The following LCP1 variants were observed in gnomAD, a reference collection of about 807,000 sequenced individuals.
The protein encoded by LCP1 is plastin-2.
A neutral mutation model predicts 72.0 loss-of-function variants in LCP1; 23 were observed. The ratio of observed to expected loss-of-function variants is 0.32; its 90% CI spans 0.23 to 0.45. LCP1 has a LOEUF of 0.45. Among genes scored for constraint, LCP1 ranks in the 20% least tolerant of loss-of-function variants. LCP1 has a pLI of 1.00. For synonymous variants in LCP1, 245 were observed against 275.4 expected, an observed-to-expected ratio of 0.89 and a Z score of 1.09; for missense variants, 571 against 748.3, an observed-to-expected ratio of 0.76 and a Z score of 2.76.
At chr13:46,167,072 C>T (rs142979461) in intron 1 of LCP1, among the ~76,000 whole-genome samples, 380 of 152,274 alleles carry the variant, frequency 2.5e-3, no homozygotes, top group South Asian at 0.022. Flanking sequence ...CCTGCAGATA[C>T]ATGGATTCTC....
intron 1 of LCP1, 57 bp from the exon 2 acceptor site, chr13:46,159,743 C>T: frequency 1.0e-6 from 1 of 995,074 alleles, no homozygotes; most frequent in South Asian, 1.4e-5. Context: ...CTTAAAATAC[C>T]ACATTAAGAA....
At chr13:46,136,110 C>T (rs2045663618) in intron 13 of LCP1, among the ~76,000 whole-genome samples, 1 of 142,382 alleles carries the variant, frequency 7.0e-6, no homozygotes, top group Non-Finnish European at 1.6e-5. Context: ...CACACACACA[C>T]ACAAAGACCT....
At chr13:46,148,897 G>T in intron 8 of LCP1, 1 of 368,542 alleles carries the variant, frequency 2.7e-6, no homozygotes, top group Non-Finnish European at 3.8e-6. Flanking sequence ...ATCAGCAAGA[G>T]AAAAAGATGT....
In LCP1 at chr13:46,139,132, T is replaced by G. The variant is rs144095734; in HGVS notation, c.1502+3160A>C. Reference sequence around the variant, plus strand: ...TAATAAAGATAGCTTGGAAATATCATCTGGAAATACACTGGTGAGAACAGC... The same window carrying G: ...TAATAAAGATAGCTTGGAAATATCAGCTGGAAATACACTGGTGAGAACAGC... On this transcript the variant is annotated intron_variant, in intron 13 of 15. Coordinates refer to ENST00000323076, the MANE Select transcript of LCP1 (RefSeq NM_002298.5). Among the ~76,000 whole-genome samples, 440 of 152,332 alleles carry G rather than the reference T, an allele frequency of 2.9e-3. 4 individuals carry two copies. The highest frequency in any genetic ancestry group is 9.9e-3 in the African/African-American group (413 of 41,570).
intron 4 of LCP1, 66 bp from the exon 5 acceptor site, chr13:46,156,636 T>G: frequency 1.9e-6 from 3 of 1,546,314 alleles, no homozygotes; most frequent in Non-Finnish European, 2.7e-6. Context: ...AAATTATGCA[T>G]GTGGATCTTA....
At chr13:46,134,061 A>C (rs2045649407) in intron 14 of LCP1, 66 bp downstream of exon 14, 2 of 1,564,446 alleles carry the variant, frequency 1.3e-6, no homozygotes, top group East Asian at 2.2e-5. Context: ...ACTTGAACAC[A>C]TAATGAAAAC....
intron 11 of LCP1, among the ~76,000 whole-genome samples, chr13:46,144,022 C>T (rs866502176): frequency 1.1e-4 from 17 of 151,758 alleles, no homozygotes; most frequent in South Asian, 4.2e-4. Context: ...GCCGAGATTG[C>T]GCCACCGCAC....
At chr13:46,171,037 AT>A (rs1265898642) in intron 1 of LCP1, among the ~76,000 whole-genome samples, 1 of 152,222 alleles carries the variant, frequency 6.6e-6, no homozygotes, top group Admixed American at 6.5e-5. Flanking sequence ...AAGCCTATCT[AT>A]TTGGAGTCAG....
rs2045776912 is a variant in LCP1, at chr13:46,152,803, T to C, written c.716A>G (p.Asp239Gly). The change falls in exon 7 of 16, where the codon GAC becomes GGC. Residue 239 changes from aspartate to glycine, a missense_variant. Coordinates refer to ENST00000323076, the MANE Select transcript of LCP1 (RefSeq NM_002298.5). ...WQVIKIGLFA[D>G]IELSRNEALI... ...ACCTTCATTTCTGCTGAGTTCAATG[T>C]CAGCAAACAACCCAATCTTGATGAC... The C allele has an allele frequency of 6.2e-7, 1 of 1,613,854 alleles. No individual in the cohort carries two copies. Among genetic ancestry groups the C allele is most frequent in the Non-Finnish European group, 8.5e-7 (1 of 1,180,008 alleles).
Position 46,163,632 on chromosome 13 carries a change from T to TAAA in LCP1, c.-24-3947_-24-3946insTTT, listed in dbSNP as rs1566444167. On this transcript the variant is annotated intron_variant, in intron 1 of 15. Transcript: ENST00000323076. ...GCGAGAAACACCCAAGAATGATCAATTAAAAAAAAAAAAAAAAAAACAATG... is the reference window on the plus strand; with the variant it reads ...GCGAGAAACACCCAAGAATGATCAATAAATAAAAAAAAAAAAAAAAAAACAATG... Among the ~76,000 whole-genome samples, 895 of 111,278 alleles carry TAAA rather than the reference T, an allele frequency of 8.0e-3. 20 individuals carry two copies. The highest frequency in any genetic ancestry group is 0.04 in the African/African-American group (815 of 20,564). The allele number at this position is 111,278 out of a possible 152,430, so 73.0% of individuals were successfully genotyped here. A position where few individuals can be genotyped will look rare whatever the true frequency, so the allele number is the denominator to read the frequency against.
At chr13:46,180,923 T>G (rs1259658834) in intron 1 of LCP1, among the ~76,000 whole-genome samples, 1 of 152,190 alleles carries the variant, frequency 6.6e-6, no homozygotes, top group African/African-American at 2.4e-5. Context: ...ACTATTCAGG[T>G]GAGATGTGCA....
chr13:46,150,944 C>A lies in LCP1; in HGVS notation c.874G>T (p.Asp292Tyr). The A allele has an allele frequency of 6.2e-7, 1 of 1,613,614 alleles. No individual in the cohort carries two copies. The highest frequency in any genetic ancestry group is 1.1e-5 in the South Asian group (1 of 91,024). The change falls in exon 8 of 16, where the codon GAC (aspartate) becomes TAC (tyrosine). Residue 292 changes from aspartate to tyrosine, a missense_variant. Asp to Tyr is a radical substitution (Grantham distance 160). Coordinates refer to ENST00000323076, the MANE Select transcript of LCP1 (RefSeq NM_002298.5). ...GCNKIGNFST[D>Y]IKDSKAYYHL... Reference sequence around the variant, plus strand: ...AACAACGCTCCTCCTACCTTGATGTCAGTACTGAAGTTGCCAATTTTGTTG... The same window carrying A: ...AACAACGCTCCTCCTACCTTGATGTAAGTACTGAAGTTGCCAATTTTGTTG...
In LCP1 at chr13:46,154,862, T is replaced by A. The variant is rs1461558262; in HGVS notation, c.516A>T (p.Pro172=). The A allele has an allele frequency of 1.2e-6, 2 of 1,614,018 alleles. No individual in the cohort carries two copies. Among genetic ancestry groups the A allele is most frequent in the Non-Finnish European group, 1.7e-6 (2 of 1,179,858 alleles). ...TGATTGTTCTTTCATCAATTGTGTC[T>A]GGCACTGACAGGTTGATCATTTTAC... ...VLCKMINLSV[P]DTIDERTINK... Residue 172 remains proline, a synonymous_variant, in exon 6 of 16, where the codon CCA becomes CCT. Coordinates refer to ENST00000323076, the MANE Select transcript of LCP1 (RefSeq NM_002298.5).
rs757954246 is a variant in LCP1, at chr13:46,152,808, A to C, written c.711T>G (p.Phe237Leu). ...CATTTCTGCTGAGTTCAATGTCAGCAAACAACCCAATCTTGATGACTTGCC... is the reference window on the plus strand; with the variant it reads ...CATTTCTGCTGAGTTCAATGTCAGCCAACAACCCAATCTTGATGACTTGCC... Reference protein sequence around the residue: ...LLWQVIKIGLFADIELSRNEA... With the variant: ...LLWQVIKIGLLADIELSRNEA... The change falls in exon 7 of 16, where the codon TTT becomes TTG. Residue 237 changes from phenylalanine (F) to leucine (L), a missense_variant. Coordinates refer to ENST00000323076, the MANE Select transcript of LCP1 (RefSeq NM_002298.5). The C allele has an allele frequency of 3.0e-5, 48 of 1,613,920 alleles. No individual in the cohort carries two copies. In the East Asian group the frequency reaches 1.0e-3, roughly 34 times the overall value.
At chr13:46,133,592 C>T (rs2045646119) in intron 14 of LCP1, among the ~76,000 whole-genome samples, 1 of 151,820 alleles carries the variant, frequency 6.6e-6, no homozygotes, top group Non-Finnish European at 1.5e-5. Flanking sequence ...TGCCACTGTA[C>T]CCCAGCCTGG....
At chr13:46,130,140 A>G (rs1217225926) in intron 15 of LCP1, among the ~76,000 whole-genome samples, 2 of 152,220 alleles carry the variant, frequency 1.3e-5, no homozygotes, top group African/African-American at 4.8e-5. Flanking sequence ...TGGCAGCCCA[A>G]GGAAACTAAC....
At position 46,130,845 on chromosome 13, in the gene LCP1, G is replaced by A. The variant is rs762526079; in HGVS notation, c.1720C>T (p.Leu574=). The part of the protein sequence containing the change: ...INYDLLKTEN[L]NDDEKLNNAK... ...TTGTTGAGTTTCTCATCATCATTCA[G>A]ATTTTCTGTCTTCAGAAGGTCATAG... Residue 574 remains leucine, a synonymous_variant, in exon 15 of 16, where the codon CTG becomes TTG. Coordinates refer to ENST00000323076, the MANE Select transcript of LCP1 (RefSeq NM_002298.5). 55 of 1,613,206 alleles carry A rather than the reference G, an allele frequency of 3.4e-5. No homozygotes were observed. Among genetic ancestry groups the A allele is most frequent in the Admixed American group, 2.3e-4 (14 of 59,858 alleles).
intron 9 of LCP1, 128 bp downstream of exon 9, chr13:46,148,205 AACTGCTCACAGTTTTACCG>A: frequency 1.6e-6 from 1 of 618,506 alleles, no homozygotes; most frequent in East Asian, 2.6e-5. Context: ...TATTATCCCA[AACTGCTCACAGTTTTACCG>A]TTTTAACAGG....
At chr13:46,134,854 G>A (rs1483458391) in intron 13 of LCP1, among the ~76,000 whole-genome samples, 1 of 151,904 alleles carries the variant, frequency 6.6e-6, no homozygotes, top group Non-Finnish European at 1.5e-5. Context: ...CAGTAATCCC[G>A]GCACTTTAGG....
Sources: gnomAD v4.1 joint callset for allele counts (sites outside exome capture counted in the v4.1 genomes callset) on GRCh38, gnomAD v4.1.1 for gene constraint, MANE v1.5 for transcripts, NCBI Gene and HGNC (gene_info 2026-07-23, HGNC 2026-07-21) for gene names.